The following MAPRE2 variants were observed in gnomAD, a reference collection of about 807,000 sequenced individuals.
MAPRE2 encodes microtubule-associated protein RP/EB family member 2.
Under a neutral mutation model 43.2 loss-of-function variants are expected in MAPRE2, and 13 were observed. The ratio of observed to expected loss-of-function variants is 0.30; its 90% CI spans 0.20 to 0.48. The LOEUF (loss-of-function observed/expected upper bound fraction) is 0.48, where lower values mean the gene tolerates loss of function less well. MAPRE2 is among the 20% of genes least tolerant of loss of function. The pLI is 0.99. For missense variants in MAPRE2, 161 were observed against 400.2 expected, an observed-to-expected ratio of 0.40 and a Z score of 5.10; for synonymous variants, 135 against 148.8, an observed-to-expected ratio of 0.91 and a Z score of 0.68.
chr18:34,998,485 C>G (rs1333920870), intron 1 of MAPRE2, among the ~76,000 whole-genome samples: 2 of 152,004 alleles, frequency 1.3e-5, no homozygotes, highest in African/African-American at 4.8e-5. Context: ...CGCCACCACA[C>G]CCCGCTAATT....
chr18:35,058,448 A>G (rs1286351026), intron 1 of MAPRE2, among the ~76,000 whole-genome samples: 5 of 152,228 alleles, frequency 3.3e-5, no homozygotes, highest in African/African-American at 1.2e-4. Flanking sequence ...CACATAGTCA[A>G]GATACCAATC....
chr18:35,077,397 G>A (rs1907422354), intron 2 of MAPRE2, among the ~76,000 whole-genome samples: 1 of 152,120 alleles, frequency 6.6e-6, no homozygotes, highest in Non-Finnish European at 1.5e-5. Flanking sequence ...TTCTTATTGA[G>A]TATATCACTA....
At chr18:35,029,912 T>G (rs190249682) in intron 2 of MAPRE2, among the ~76,000 whole-genome samples, 8 of 152,236 alleles carry the variant, frequency 5.3e-5, no homozygotes, top group African/African-American at 1.9e-4. Flanking sequence ...AGTCTTGGCA[T>G]AGTGAAAATG....
At chr18:35,035,293 G>T (rs186486242) in intron 2 of MAPRE2, among the ~76,000 whole-genome samples, 2 of 150,094 alleles carry the variant, frequency 1.3e-5, no homozygotes, top group East Asian at 2.0e-4. Flanking sequence ...GTTCTCACTC[G>T]TAGGTGGGAA....
At chr18:34,981,871 T>TA (rs1440784938) in intron 1 of MAPRE2, among the ~76,000 whole-genome samples, 1 of 39,730 alleles carries the variant, frequency 2.5e-5, no homozygotes, top group African/African-American at 5.7e-5. Flanking sequence ...TTTATTTTTT[T>TA]TTTTTATTTT....
chr18:35,007,815 A>C (rs940123883), intron 2 of MAPRE2, among the ~76,000 whole-genome samples: 2 of 104,736 alleles, frequency 1.9e-5, no homozygotes, highest in African/African-American at 3.5e-5. Flanking sequence ...GGGCTTACTT[A>C]TAAGTGATTT....
chr18:35,048,286 G>A (rs983996443), intron 1 of MAPRE2, among the ~76,000 whole-genome samples: 5 of 152,024 alleles, frequency 3.3e-5, no homozygotes, highest in African/African-American at 9.7e-5. Flanking sequence ...TGAGGGACCC[G>A]ACCCCATGAC....
chr18:35,008,918 T>G (rs1187215448), intron 2 of MAPRE2, among the ~76,000 whole-genome samples: 1 of 152,130 alleles, frequency 6.6e-6, no homozygotes, highest in Non-Finnish European at 1.5e-5. Context: ...GAATGATTAC[T>G]AACTGTAAAG....
chr18:35,125,895 A>G (rs1366848034), intron 4 of MAPRE2, among the ~76,000 whole-genome samples: 1 of 152,180 alleles, frequency 6.6e-6, no homozygotes, highest in African/African-American at 2.4e-5. Context: ...TGACTCTCAG[A>G]TCTCCCCATT....
chr18:35,002,901 A>C (rs746694226), intron 1 of MAPRE2, among the ~76,000 whole-genome samples: 3 of 152,142 alleles, frequency 2.0e-5, no homozygotes, highest in Non-Finnish European at 4.4e-5. Flanking sequence ...AATTTTGATG[A>C]AGTCCAATTT....
chr18:35,054,721 T>C (rs764688373), intron 1 of MAPRE2, among the ~76,000 whole-genome samples: 34 of 152,204 alleles, frequency 2.2e-4, no homozygotes, highest in Non-Finnish European at 3.8e-4. Flanking sequence ...GATAAGATGA[T>C]TACTTGGTTT....
chr18:35,056,674 C>G (rs1374114212), intron 1 of MAPRE2, among the ~76,000 whole-genome samples: 2 of 152,158 alleles, frequency 1.3e-5, no homozygotes, highest in African/African-American at 4.8e-5. Flanking sequence ...ACATTTGTGC[C>G]TATAGTAACA....
chr18:35,041,570 A>G lies in MAPRE2; in HGVS notation c.31A>G (p.Asn11Asp), dbSNP rs1346194730. 6.2e-7 allele frequency: 1 copy of G among 1,614,194 alleles called. No homozygotes were observed. The highest frequency in any genetic ancestry group is 8.5e-7 in the Non-Finnish European group (1 of 1,180,030). Residue 11 changes from asparagine (N) to aspartate (D), a missense_variant, in exon 1 of 7, where the codon AAT becomes GAT. This residue lies in a region of MAPRE2 where 65 missense variants were observed against 246.9 expected (regional missense o/e 0.26). Transcript: ENST00000300249. ...TGGGCCGACCCAAACCCTGTCCCCA[A>G]ATGGCGAGAACAACAACGACATCAT... MPGPTQTLSPNGENNNDIIQD... is the reference protein window; with the variant it reads MPGPTQTLSPDGENNNDIIQD...
At chr18:35,013,844 G>GAA (rs1254451358) in intron 2 of MAPRE2, among the ~76,000 whole-genome samples, 1 of 152,078 alleles carries the variant, frequency 6.6e-6, no homozygotes, top group East Asian at 1.9e-4. Flanking sequence ...ATGTTGCTGT[G>GAA]AAAGACCAGA....
chr18:35,094,587 T>A (rs1056318712), intron 2 of MAPRE2, among the ~76,000 whole-genome samples: 1 of 152,232 alleles, frequency 6.6e-6, no homozygotes, highest in African/African-American at 2.4e-5. Flanking sequence ...TAGCTAACTT[T>A]ATCAGTTAGT....
intron 1 of MAPRE2, among the ~76,000 whole-genome samples, chr18:35,062,397 C>T (rs1229284771): frequency 1.3e-5 from 2 of 152,186 alleles, no homozygotes; most frequent in Non-Finnish European, 2.9e-5. Context: ...TTTGCAGATA[C>T]TTAGAAATGT....
At chr18:35,056,675 T>G (rs930108057) in intron 1 of MAPRE2, among the ~76,000 whole-genome samples, 2 of 152,252 alleles carry the variant, frequency 1.3e-5, no homozygotes, top group African/African-American at 4.8e-5. Flanking sequence ...CATTTGTGCC[T>G]ATAGTAACAT....
At chr18:35,046,279 G>T (rs971110526) in intron 1 of MAPRE2, among the ~76,000 whole-genome samples, 1 of 152,222 alleles carries the variant, frequency 6.6e-6, no homozygotes, top group Non-Finnish European at 1.5e-5. Context: ...AGTAAAGTCC[G>T]ATGGAAAACC....
At chr18:35,059,596 A>G (rs1906416611) in intron 1 of MAPRE2, among the ~76,000 whole-genome samples, 2 of 152,200 alleles carry the variant, frequency 1.3e-5, no homozygotes, top group Admixed American at 6.5e-5. Context: ...AGAGGAGTGG[A>G]CAGATGGTAA....
Sources: allele counts gnomAD v4.1 joint callset (sites outside exome capture counted in the v4.1 genomes callset), GRCh38; gene constraint gnomAD v4.1.1; regional missense constraint gnomAD v4.1.1; transcripts MANE v1.5; gene names NCBI Gene and HGNC (gene_info 2026-07-23, HGNC 2026-07-21).